Variants in CSNK1G1 observed in about 807,000 individuals in gnomAD.
The protein encoded by CSNK1G1 is casein kinase 1 gamma 1, also known as casein kinase I isoform gamma-1.
CSNK1G1 carries 22 observed loss-of-function variants against 59.6 expected under a neutral mutation model. The observed-to-expected ratio is 0.37, with a 90% confidence interval of 0.26 to 0.53. The LOEUF (loss-of-function observed/expected upper bound fraction) is 0.53, where lower values mean the gene tolerates loss of function less well. CSNK1G1 is among the 20% of genes least tolerant of loss of function. CSNK1G1 has a pLI of 0.89. For synonymous variants in CSNK1G1, 179 were observed against 177.1 expected (o/e 1.01, Z -0.08); for missense variants, 384 against 519.5 (o/e 0.74, Z 2.54).
At chr15:64,270,998 T>A (rs538813353) in intron 2 of CSNK1G1, among the ~76,000 whole-genome samples, 5 of 152,264 alleles carry the variant, frequency 3.3e-5, no homozygotes, top group Middle Eastern at 3.4e-3. Flanking sequence ...TTTATTTATT[T>A]TTGAGACAGA....
At chr15:64,273,818 C>T (rs892202690) in intron 2 of CSNK1G1, among the ~76,000 whole-genome samples, 3 of 151,974 alleles carry the variant, frequency 2.0e-5, no homozygotes, top group Admixed American at 2.0e-4. Context: ...CTGGGCCACA[C>T]GTGGCCCACA....
In CSNK1G1 at chr15:64,229,902, A is replaced by ATTTTTTTTTTTTTTTTTTTTTTTT. The variant is rs533868270; in HGVS notation, c.293-13213_293-13190dup. 2.5e-4 allele frequency among the ~76,000 whole-genome samples: 11 copies of ATTTTTTTTTTTTTTTTTTTTTTTT among 43,806 alleles called. 3 individuals carry two copies. Among genetic ancestry groups the ATTTTTTTTTTTTTTTTTTTTTTTT allele is most frequent in the East Asian group, 2.1e-3 (2 of 934 alleles). 28.7% of individuals were successfully genotyped at this position (43,806 alleles called of 152,430 possible). ...CCTATATTTTTGGGCATGTTTGTAA[A>ATTTTTTTTTTTTTTTTTTTTTTTT]TTTTTTTTTTTTTTTTTTTTTTTTT... On this transcript the variant is annotated intron_variant, in intron 4 of 11. Coordinates refer to ENST00000303052, the MANE Select transcript of CSNK1G1 (RefSeq NM_022048.5).
rs572586774 is a variant in CSNK1G1, at chr15:64,167,934, C to T, written c.*3997G>A. On this transcript the variant is annotated 3_prime_UTR_variant, in exon 12 of 12. Coordinates refer to ENST00000303052, the MANE Select transcript of CSNK1G1 (RefSeq NM_022048.5). ...CTATAATCTTTAGTAACCACTTTGA[C>T]GTTACATTATCATTGTTACATATTT... The T allele has an allele frequency of 2.0e-5, 3 of 152,354 alleles. No individual in the cohort carries two copies. The highest frequency in any genetic ancestry group is 6.5e-5 in the Admixed American group (1 of 15,306). The allele number at this position is 152,354 out of a possible 1,614,324, so 9.4% of individuals were successfully genotyped here. A position where few individuals can be genotyped will look rare whatever the true frequency, so the allele number is the denominator to read the frequency against.
chr15:64,311,064 TA>T (rs1420201301), intron 1 of CSNK1G1, among the ~76,000 whole-genome samples: 15 of 151,982 alleles, frequency 9.9e-5, no homozygotes, highest in Admixed American at 2.6e-4. Context: ...TTTTATTTAT[TA>T]TTTTTTTTAA....
intron 2 of CSNK1G1, among the ~76,000 whole-genome samples, chr15:64,271,207 T>G (rs1893283987): frequency 6.6e-6 from 1 of 152,060 alleles, no homozygotes; most frequent in Non-Finnish European, 1.5e-5. Flanking sequence ...AGGCTGGTCT[T>G]GAACTCCTGA....
At chr15:64,285,872 A>C (rs1224067286) in intron 2 of CSNK1G1, among the ~76,000 whole-genome samples, 3 of 152,096 alleles carry the variant, frequency 2.0e-5, no homozygotes, top group African/African-American at 7.2e-5. Flanking sequence ...AAAAAAAAAA[A>C]ACGATGACTT....
intron 4 of CSNK1G1, among the ~76,000 whole-genome samples, chr15:64,218,834 A>G (rs1214300509): frequency 6.6e-6 from 1 of 151,384 alleles, no homozygotes; most frequent in South Asian, 2.1e-4. Context: ...CAAAAGAGAA[A>G]AGGATTTAAT....
At position 64,166,359 on chromosome 15, in the gene CSNK1G1, T is replaced by A. The variant is rs2140188602; in HGVS notation, c.*5572A>T. The A allele has an allele frequency of 5.0e-6, 1 of 201,766 alleles. No individual in the cohort carries two copies. The highest frequency in any genetic ancestry group is 1.1e-4 in the East Asian group (1 of 9,400). The allele number at this position is 201,766 out of a possible 1,614,324, so 12.5% of individuals were successfully genotyped here. On this transcript the variant is annotated 3_prime_UTR_variant, in exon 12 of 12. Transcript: ENST00000303052. This position sits in a 1 kb window ranked among gnomAD's most constrained non-coding sequence, Gnocchi z 4.5. ...TTTGGTTTATCTTTATCTTTTCTGCTGTTATTTTTTTTCTCTGCTTGATAA... is the reference window on the plus strand; with the variant it reads ...TTTGGTTTATCTTTATCTTTTCTGCAGTTATTTTTTTTCTCTGCTTGATAA...
At chr15:64,349,767 G>A (rs935015415) in intron 1 of CSNK1G1, among the ~76,000 whole-genome samples, 8 of 151,854 alleles carry the variant, frequency 5.3e-5, no homozygotes, top group African/African-American at 1.9e-4. Flanking sequence ...AAAGCCTGCC[G>A]TCAGAATTTA....
intron 4 of CSNK1G1, among the ~76,000 whole-genome samples, chr15:64,222,176 A>G (rs2082396283): frequency 6.6e-6 from 1 of 151,920 alleles, no homozygotes. Context: ...TAACACAGGA[A>G]CAGAAAACCA....
chr15:64,346,267 C>T (rs919822838), intron 1 of CSNK1G1, among the ~76,000 whole-genome samples: 3 of 150,290 alleles, frequency 2.0e-5, no homozygotes, highest in Non-Finnish European at 4.4e-5. Context: ...AATTGGTCAC[C>T]CATGTGCATG....
intron 2 of CSNK1G1, among the ~76,000 whole-genome samples, chr15:64,292,164 C>G (rs1019465501): frequency 4.0e-5 from 6 of 149,386 alleles, no homozygotes; most frequent in African/African-American, 1.2e-4. Context: ...CAGCCAAGAT[C>G]GAGCCACTGC....
intron 10 of CSNK1G1, among the ~76,000 whole-genome samples, chr15:64,201,705 C>CGTGTGTGT (rs1567370144): frequency 2.9e-5 from 3 of 104,140 alleles, no homozygotes; most frequent in African/African-American, 1.0e-4. Context: ...CTCCATTGGA[C>CGTGTGTGT]ATGTGTGTGT....
intron 2 of CSNK1G1, among the ~76,000 whole-genome samples, chr15:64,284,899 A>G (rs1053022183): frequency 6.6e-6 from 1 of 152,232 alleles, no homozygotes; most frequent in Non-Finnish European, 1.5e-5. Context: ...TCTAATTCAT[A>G]TTACTGTTAA....
At chr15:64,353,571 TG>T (rs1898444625) in intron 1 of CSNK1G1, among the ~76,000 whole-genome samples, 1 of 147,206 alleles carries the variant, frequency 6.8e-6, no homozygotes, top group African/African-American at 2.5e-5. Flanking sequence ...TGCTTGAACC[TG>T]GGAGGTGGAG....
chr15:64,257,093 TG>T (rs1463317194), intron 3 of CSNK1G1, among the ~76,000 whole-genome samples: 1 of 151,860 alleles, frequency 6.6e-6, no homozygotes, highest in Non-Finnish European at 1.5e-5. Context: ...TCCTCTAAAA[TG>T]GCTTTGAGAC....
intron 4 of CSNK1G1, among the ~76,000 whole-genome samples, chr15:64,225,500 G>A (rs1267836823): frequency 1.3e-5 from 2 of 152,094 alleles, no homozygotes; most frequent in Admixed American, 6.6e-5. Flanking sequence ...TTGGTCCTGG[G>A]CAGAATCTTG....
chr15:64,225,220 G>A (rs939055089), intron 4 of CSNK1G1, among the ~76,000 whole-genome samples: 2 of 151,978 alleles, frequency 1.3e-5, no homozygotes, highest in African/African-American at 4.8e-5. Context: ...TGTTAGCCAG[G>A]CTGGTCTCAA....
At chr15:64,338,152 T>G (rs948042029) in intron 1 of CSNK1G1, among the ~76,000 whole-genome samples, 2 of 152,186 alleles carry the variant, frequency 1.3e-5, no homozygotes, top group Admixed American at 1.3e-4. Flanking sequence ...GGTAGTCCTA[T>G]GTGTAACCTT....
Sources: allele counts gnomAD v4.1 joint callset (sites outside exome capture counted in the v4.1 genomes callset), GRCh38; gene constraint gnomAD v4.1.1; non-coding constraint Gnocchi (gnomAD v3.1); transcripts MANE v1.5; gene names NCBI Gene and HGNC (gene_info 2026-07-23, HGNC 2026-07-21).